PLEKHG1: variants seen among roughly 807,000 people sequenced by gnomAD.
PLEKHG1 encodes the protein pleckstrin homology domain-containing family G member 1.
Under a neutral mutation model 100.8 loss-of-function variants are expected in PLEKHG1, and 44 were observed. The observed-to-expected ratio is 0.44, with a 90% CI of 0.34 to 0.56. The LOEUF is 0.56. Among genes scored for constraint, PLEKHG1 ranks in the 20% least tolerant of loss-of-function variants. The probability of loss-of-function intolerance (pLI) is 0.01; values close to 1 mark genes in which losing one functional copy is unlikely to be tolerated. For synonymous variants in PLEKHG1, 640 were observed against 662.5 expected (o/e 0.97, Z 0.52); for missense variants, 1,545 against 1,720.9 (o/e 0.90, Z 1.81).
rs74295834 is a variant in PLEKHG1, at chr6:150,675,814, G to A, written c.-99+25028G>A. Among the ~76,000 whole-genome samples the A allele has an allele frequency of 8.3e-3, 1,270 of 152,294 alleles. 20 individuals carry two copies. The highest frequency in any genetic ancestry group is 0.042 in the East Asian group (217 of 5,184). ...TAAAACTTACTTTTCTTAGTGGGGG[G>A]AAAAGCATGAGGATTATTTAAATCT... On this transcript the variant is annotated intron_variant, in intron 3 of 3. Transcript: ENST00000367326.
At chr6:150,704,404 C>T (rs1780923113) in intron 3 of PLEKHG1, among the ~76,000 whole-genome samples, 1 of 152,218 alleles carries the variant, frequency 6.6e-6, no homozygotes, top group African/African-American at 2.4e-5. Flanking sequence ...ATGATTCCTG[C>T]CTAGTTCTAT....
At chr6:150,783,169 TAAAA>T (rs71014520) in intron 3 of PLEKHG1, among the ~76,000 whole-genome samples, 1 of 79,460 alleles carries the variant, frequency 1.3e-5, no homozygotes, top group Non-Finnish European at 2.8e-5. Context: ...GAAAAAAAAC[TAAAA>T]AAAAAAAAAA....
intron 2 of PLEKHG1, among the ~76,000 whole-genome samples, chr6:150,754,227 A>G (rs1180362489): frequency 6.6e-6 from 1 of 152,138 alleles, no homozygotes; most frequent in Non-Finnish European, 1.5e-5. Context: ...AGAATAGACA[A>G]TAATAAAACG....
intron 14 of PLEKHG1, among the ~76,000 whole-genome samples, chr6:150,824,341 A>G (rs1041695982): frequency 6.6e-6 from 1 of 152,172 alleles, no homozygotes; most frequent in Non-Finnish European, 1.5e-5. Context: ...TTAATTAACA[A>G]TTCTTAGAGA....
At position 150,786,342 on chromosome 6, in the gene PLEKHG1, C is replaced by T. The variant is rs746596805; in HGVS notation, c.513-48C>T. ...TTTTAAATTATACAAAATGTACTCA[C>T]CCAGAAGACTACAATCTAATACTTC... is the stretch of plus-strand genomic sequence containing the variant. On this transcript the variant is annotated intron_variant, in intron 3 of 15. Transcript: ENST00000358517. 10 of 1,206,136 alleles carry T rather than the reference C, an allele frequency of 8.3e-6. No homozygotes were observed. In the South Asian group the frequency reaches 1.1e-4, roughly 13 times the overall value. 74.7% of individuals were successfully genotyped at this position (1,206,136 alleles called of 1,614,324 possible). A position where few individuals can be genotyped will look rare whatever the true frequency, so the allele number is the denominator to read the frequency against.
At chr6:150,780,709 C>T (rs1005615442) in intron 3 of PLEKHG1, among the ~76,000 whole-genome samples, 1 of 152,136 alleles carries the variant, frequency 6.6e-6, no homozygotes, top group Non-Finnish European at 1.5e-5. Flanking sequence ...TTCTCAATTG[C>T]TGAAAATGTC....
chr6:150,842,721 G>T (rs1777580589), exon 16 of PLEKHG1: 1 of 151,978 alleles, frequency 6.6e-6, no homozygotes, highest in African/African-American at 2.4e-5. Context: ...TGGTTTTTTT[G>T]TTTGTTTGTT....
chr6:150,678,794 A>G (rs1435075525), intron 3 of PLEKHG1, among the ~76,000 whole-genome samples: 1 of 152,242 alleles, frequency 6.6e-6, no homozygotes, highest in Admixed American at 6.5e-5. Context: ...GTTGTTAGGA[A>G]TTGGTTCTAA....
Position 150,769,395 on chromosome 6 carries a change from A to C in PLEKHG1, c.512+657A>C, listed in dbSNP as rs573896261. On this transcript the variant is annotated intron_variant, in intron 3 of 15. Transcript: ENST00000358517. ...TTAGGAGTTCGAGACCAGCCTGGCCAATATGGTGAAACCCCATCTCTACTA... is the reference window on the plus strand; with the variant it reads ...TTAGGAGTTCGAGACCAGCCTGGCCCATATGGTGAAACCCCATCTCTACTA... Among the ~76,000 whole-genome samples, 33 of 152,154 alleles carry C rather than the reference A, an allele frequency of 2.2e-4. No homozygotes were observed. In the South Asian group the frequency reaches 6.8e-3, roughly 32 times the overall value.
At chr6:150,603,579 G>A (rs1289249843) in intron 1 of PLEKHG1, among the ~76,000 whole-genome samples, 1 of 152,126 alleles carries the variant, frequency 6.6e-6, no homozygotes, top group Non-Finnish European at 1.5e-5. Flanking sequence ...GTATGCCTGG[G>A]TGATTTCCAG....
chr6:150,804,730 G>A (rs774166728), exon 7 of PLEKHG1: 1 of 1,613,626 alleles, frequency 6.2e-7, no homozygotes, highest in Non-Finnish European at 8.5e-7. Flanking sequence ...CGAGCACGCG[G>A]TCCGGTTACA....
intron 1 of PLEKHG1, among the ~76,000 whole-genome samples, chr6:150,602,218 AC>A (rs1378846692): frequency 2.0e-5 from 3 of 152,188 alleles, no homozygotes; most frequent in African/African-American, 7.2e-5. Flanking sequence ...GCGGCCGTTC[AC>A]TTTTTTGCAG....
intron 7 of PLEKHG1, among the ~76,000 whole-genome samples, chr6:150,807,420 A>C (rs1787188583): frequency 6.6e-6 from 1 of 152,016 alleles, no homozygotes; most frequent in Non-Finnish European, 1.5e-5. Flanking sequence ...CTAATACTCC[A>C]TTTCTGTTCA....
rs143116425 is a variant in PLEKHG1 at position 150,817,808 on chromosome 6, C to T, written c.1279-375C>T. On this transcript the variant is annotated intron_variant, in intron 10 of 15. Coordinates refer to ENST00000358517, the Ensembl canonical transcript of PLEKHG1. ...CCTGACCTTGTGATTGTGATCTGCC[C>T]GCCTCAGCCTCCCAAAGTGCTGGGA... Among the ~76,000 whole-genome samples the T allele has an allele frequency of 1.8e-3, 275 of 152,004 alleles. No individual in the cohort carries two copies. The South Asian group carries it at 0.023, about 13-fold the overall frequency.
chr6:150,717,320 A>G (rs1417399922), upstream of PLEKHG1, among the ~76,000 whole-genome samples: 1 of 152,002 alleles, frequency 6.6e-6, no homozygotes, highest in African/African-American at 2.4e-5. Flanking sequence ...GATTACAGGC[A>G]TGAGCCACCA....
At chr6:150,800,319 T>C (rs1165543424) in intron 5 of PLEKHG1, among the ~76,000 whole-genome samples, 1 of 152,160 alleles carries the variant, frequency 6.6e-6, no homozygotes, top group Admixed American at 6.5e-5. Flanking sequence ...AAAAAGTGCC[T>C]AGTCTTTATA....
At chr6:150,715,796 G>A (rs1781405042) in intron 3 of PLEKHG1, among the ~76,000 whole-genome samples, 2 of 149,704 alleles carry the variant, frequency 1.3e-5, no homozygotes, top group Admixed American at 1.3e-4. Flanking sequence ...TCACATTTAT[G>A]CTGTCATGTG....
At chr6:150,716,026 T>G (rs1213996444) in intron 3 of PLEKHG1, among the ~76,000 whole-genome samples, 2 of 147,722 alleles carry the variant, frequency 1.4e-5, no homozygotes, top group African/African-American at 5.0e-5. Flanking sequence ...GAGAATGGCG[T>G]GAACCCGGGA....
chr6:150,812,982 G>A (rs528293223), intron 10 of PLEKHG1, among the ~76,000 whole-genome samples: 1 of 152,102 alleles, frequency 6.6e-6, no homozygotes, highest in Non-Finnish European at 1.5e-5. Flanking sequence ...AGAGAGCAGG[G>A]GTGTCTGAGG....
Sources: gnomAD v4.1 joint callset for allele counts (sites outside exome capture counted in the v4.1 genomes callset) on GRCh38, gnomAD v4.1.1 for gene constraint, MANE v1.5 for transcripts, NCBI Gene and HGNC (gene_info 2026-07-23, HGNC 2026-07-21) for gene names.